Variants in ASIC2 observed in about 807,000 individuals in gnomAD.
The protein encoded by ASIC2 is acid-sensing ion channel 2.
Under a neutral mutation model 57.3 loss-of-function variants are expected in ASIC2, and 25 were observed. The ratio of observed to expected loss-of-function variants is 0.44; its 90% confidence interval spans 0.32 to 0.61. ASIC2 has a LOEUF of 0.61. ASIC2 is among the 20% of genes least tolerant of loss of function. The pLI is 0.06. For missense variants in ASIC2, 641 were observed against 738.1 expected (o/e 0.87, Z 1.52); for synonymous variants, 319 against 307.5 (o/e 1.04, Z -0.39).
chr17:33,194,895 G>A (rs181103740), intron 1 of ASIC2, among the ~76,000 whole-genome samples: 3 of 152,256 alleles, frequency 2.0e-5, no homozygotes, highest in East Asian at 1.9e-4. Flanking sequence ...AAAGCCTATC[G>A]CAATAGGCAG....
At chr17:33,471,592 G>A (rs1003856724) in intron 1 of ASIC2, among the ~76,000 whole-genome samples, 2 of 152,142 alleles carry the variant, frequency 1.3e-5, no homozygotes. Flanking sequence ...CAATGACAGT[G>A]CAGAGGGGGG....
intron 1 of ASIC2, among the ~76,000 whole-genome samples, chr17:33,626,222 A>G (rs1159132260): frequency 2.0e-5 from 3 of 152,154 alleles, no homozygotes; most frequent in Non-Finnish European, 2.9e-5. Context: ...AATGGCTGGT[A>G]ATTTAATGTG....
At chr17:33,291,242 T>C in intron 1 of ASIC2, 166 bp downstream of exon 1, 1 of 1,384,040 alleles carries the variant, frequency 7.2e-7, no homozygotes, top group Non-Finnish European at 9.4e-7. Flanking sequence ...TCCCACAACC[T>C]GCAGGAGAAG....
chr17:33,333,982 T>C (rs1032265841), intron 1 of ASIC2, among the ~76,000 whole-genome samples: 1 of 152,202 alleles, frequency 6.6e-6, no homozygotes, highest in African/African-American at 2.4e-5. Flanking sequence ...AACAAACTCT[T>C]TCTTCAGCCT....
In ASIC2 at chr17:33,964,667, C is replaced by G. The variant is rs149731641; in HGVS notation, c.555+191311G>C. Among the ~76,000 whole-genome samples, 636 of 152,306 alleles carry G rather than the reference C, an allele frequency of 4.2e-3. 4 individuals carry two copies. Among genetic ancestry groups the G allele is most frequent in the African/African-American group, 0.013 (558 of 41,566 alleles). ...TTGACAGTATCTCCCAACCACCACC[C>G]CCTCTGCTGCTACACCCCATCTGGC... On this transcript the variant is annotated intron_variant, in intron 1 of 9. Coordinates refer to the ASIC2 transcript ENST00000359872.
chr17:33,301,614 G>A (rs1001597293), intron 1 of ASIC2, among the ~76,000 whole-genome samples: 2 of 152,162 alleles, frequency 1.3e-5, no homozygotes, highest in Non-Finnish European at 2.9e-5. Flanking sequence ...CTTAGATGTG[G>A]TCCTTGCTTT....
At chr17:33,801,415 T>C (rs1912129417) in intron 1 of ASIC2, among the ~76,000 whole-genome samples, 2 of 152,158 alleles carry the variant, frequency 1.3e-5, no homozygotes, top group South Asian at 4.1e-4. Flanking sequence ...TTGTCTGATC[T>C]GACATGACCT....
chr17:33,362,489 G>A (rs1908648844), intron 1 of ASIC2, among the ~76,000 whole-genome samples: 1 of 152,240 alleles, frequency 6.6e-6, no homozygotes, highest in Admixed American at 6.5e-5. Context: ...TCTGGATGAT[G>A]TTGGGGAACA....
chr17:33,984,106 T>G (rs2142005820), intron 1 of ASIC2: 1 of 152,400 alleles, frequency 6.6e-6, no homozygotes, highest in East Asian at 1.9e-4. Flanking sequence ...CAGCCTTCCT[T>G]CCCCATAACC....
At chr17:34,072,472 G>GC (rs1403719731) in intron 1 of ASIC2, 1 of 152,226 alleles carries the variant, frequency 6.6e-6, no homozygotes, top group African/African-American at 2.4e-5. Context: ...GGCAAAGCCA[G>GC]CATAGAGCCA....
At chr17:33,937,968 T>C (rs1916104720) in intron 1 of ASIC2, among the ~76,000 whole-genome samples, 2 of 152,208 alleles carry the variant, frequency 1.3e-5, no homozygotes, top group African/African-American at 4.8e-5. Flanking sequence ...GAGTCCTGGA[T>C]AAAGAAGAAA....
chr17:33,032,500 G>T (rs2091888483), intron 3 of ASIC2, among the ~76,000 whole-genome samples: 1 of 138,426 alleles, frequency 7.2e-6, no homozygotes, highest in Non-Finnish European at 1.5e-5. Context: ...CCAGGCTGGA[G>T]TGCAGTGGTG....
intron 1 of ASIC2, among the ~76,000 whole-genome samples, chr17:33,801,668 G>A (rs1427222082): frequency 1.3e-5 from 2 of 152,186 alleles, no homozygotes; most frequent in Non-Finnish European, 2.9e-5. Context: ...GTCTCAACAC[G>A]TTAATCACCC....
intron 1 of ASIC2, among the ~76,000 whole-genome samples, chr17:33,865,847 G>A (rs191480701): frequency 3.1e-4 from 47 of 149,412 alleles, no homozygotes; most frequent in African/African-American, 1.1e-3. Context: ...CCAACATGGA[G>A]AATAATATAT....
chr17:33,327,725 A>C (rs1907134508), intron 1 of ASIC2, among the ~76,000 whole-genome samples: 1 of 152,232 alleles, frequency 6.6e-6, no homozygotes, highest in Non-Finnish European at 1.5e-5. Context: ...GGGTGTCATG[A>C]GTATAATTGT....
At chr17:33,819,145 T>C (rs1912675445) in intron 1 of ASIC2, among the ~76,000 whole-genome samples, 1 of 152,224 alleles carries the variant, frequency 6.6e-6, no homozygotes, top group African/African-American at 2.4e-5. Context: ...ACAGAGCTGG[T>C]AAGTATGCCT....
chr17:33,726,161 A>G (rs748320093), intron 1 of ASIC2, among the ~76,000 whole-genome samples: 5 of 152,132 alleles, frequency 3.3e-5, no homozygotes, highest in Non-Finnish European at 7.4e-5. Context: ...CATGTCAGAA[A>G]ACTGCCAAAG....
At chr17:34,121,812 G>C (rs1267493717) in intron 1 of ASIC2, among the ~76,000 whole-genome samples, 1 of 152,134 alleles carries the variant, frequency 6.6e-6, no homozygotes, top group East Asian at 1.9e-4. Context: ...TCCATCTAAG[G>C]AACTTCACAT....
At chr17:33,368,088 C>G (rs186208180) in intron 1 of ASIC2, among the ~76,000 whole-genome samples, 94 of 152,278 alleles carry the variant, frequency 6.2e-4, no homozygotes, top group Non-Finnish European at 5.3e-4. Flanking sequence ...TGACACCTCT[C>G]CATTAAGAAG....
Sources: allele counts gnomAD v4.1 joint callset (sites outside exome capture counted in the v4.1 genomes callset), GRCh38; gene constraint gnomAD v4.1.1; transcripts MANE v1.5; gene names NCBI Gene and HGNC (gene_info 2026-07-23, HGNC 2026-07-21).